Variants in CEP72 observed in about 807,000 individuals in gnomAD.
CEP72 encodes centrosomal protein of 72 kDa.
CEP72 carries 78 observed loss-of-function variants against 65.7 expected under a neutral mutation model. The observed-to-expected ratio is 1.19, with a 90% CI of 0.99 to 1.43. The LOEUF is 1.43. Ranked by LOEUF, CEP72 falls within the 40% of genes most tolerant of loss-of-function variation. The pLI is 0.00. For synonymous variants in CEP72, 358 were observed against 351.7 expected, an observed-to-expected ratio of 1.02 and a Z score of -0.20; for missense variants, 914 against 832.9, an observed-to-expected ratio of 1.10 and a Z score of -1.20.
downstream of CEP72, among the ~76,000 whole-genome samples, chr5:658,879 A>G (rs1393849844): frequency 6.6e-6 from 1 of 152,126 alleles, no homozygotes; most frequent in Non-Finnish European, 1.5e-5. Flanking sequence ...TGTGTTAGCC[A>G]GGATGGTCTC....
Position 637,759 on chromosome 5 carries a change from C to A in CEP72, c.1147C>A (p.Gln383Lys), listed in dbSNP as rs769420298. 1 of 1,610,440 alleles carries A rather than the reference C, an allele frequency of 6.2e-7. No individual in the cohort carries two copies. The highest frequency in any genetic ancestry group is 1.1e-5 in the South Asian group (1 of 90,784). ...SESRNGRTLS[Q>K]PEASETEEQR... The stretch of plus-strand genomic sequence containing the variant: ...AAGCAGGAACGGGAGGACCTTGTCT[C>A]AGCCTGAGGCCTCGGAGACTGAGGA... Residue 383 changes from glutamine (Q) to lysine (K), a missense_variant, in exon 7 of 12, where the codon CAG becomes AAG. By Grantham distance (53) the Gln-to-Lys change is moderately conservative (BLOSUM62 1). Transcript: ENST00000264935.
chr5:641,625 CTG>C, intron 9 of CEP72: 3 of 983,564 alleles, frequency 3.1e-6, no homozygotes, highest in Non-Finnish European at 3.6e-6. Flanking sequence ...CTGGAAGCCT[CTG>C]TATTTAAACA....
chr5:673,200 G>A, the CEP72 span, among the ~76,000 whole-genome samples: 60 of 152,256 alleles, frequency 3.9e-4, 1 homozygote, highest in African/African-American at 9.6e-4. Flanking sequence ...TGCTTTCCCC[G>A]GAAATCGAAG....
chr5:621,037 G>T (rs776569558), intron 3 of CEP72, among the ~76,000 whole-genome samples: 3 of 152,218 alleles, frequency 2.0e-5, no homozygotes, highest in Non-Finnish European at 4.4e-5. Context: ...AGGGTGCAGG[G>T]TCTCTTACCT....
chr5:622,862 A>G (rs551711813), intron 3 of CEP72, among the ~76,000 whole-genome samples: 16 of 152,366 alleles, frequency 1.1e-4, no homozygotes, highest in African/African-American at 3.4e-4. Context: ...TATTTGGCCA[A>G]TTAACCAAGT....
the CEP72 span, among the ~76,000 whole-genome samples, chr5:674,028 T>G: frequency 6.6e-6 from 1 of 152,216 alleles, no homozygotes; most frequent in Non-Finnish European, 1.5e-5. Context: ...CAGCCGGCAC[T>G]GCACTTGGTG....
intron 5 of CEP72, among the ~76,000 whole-genome samples, chr5:635,078 G>C (rs758235169): frequency 6.6e-6 from 1 of 151,968 alleles, no homozygotes; most frequent in Admixed American, 6.6e-5. Context: ...TATTGAGACT[G>C]TCTGGACTCT....
At chr5:667,734 A>G (rs1262757071), downstream of CEP72, among the ~76,000 whole-genome samples, 1 of 151,420 alleles carries the variant, frequency 6.6e-6, no homozygotes, top group Non-Finnish European at 1.5e-5. Flanking sequence ...GACGGGCAGA[A>G]TATTTGAAGC....
downstream of CEP72, among the ~76,000 whole-genome samples, chr5:656,723 T>A (rs951825782): frequency 2.0e-5 from 3 of 152,224 alleles, no homozygotes; most frequent in Non-Finnish European, 4.4e-5. Flanking sequence ...TTCTTTCCCA[T>A]TCCTGTTGTT....
intron 3 of CEP72, chr5:665,342 G>C: frequency 6.4e-7 from 1 of 1,560,056 alleles, no homozygotes; most frequent in Non-Finnish European, 8.7e-7. Flanking sequence ...TGCGAGCCAG[G>C]TGAGGCCAGC....
At chr5:670,633 G>A (rs1369684393), downstream of CEP72, among the ~76,000 whole-genome samples, 21 of 152,062 alleles carry the variant, frequency 1.4e-4, no homozygotes, top group East Asian at 3.9e-4. Flanking sequence ...GTCTGGCATC[G>A]CCATCCTGCA....
intron 3 of CEP72, among the ~76,000 whole-genome samples, chr5:622,719 TC>T (rs1736471060): frequency 1.3e-5 from 2 of 152,124 alleles, no homozygotes; most frequent in Admixed American, 6.6e-5. Flanking sequence ...CTGACACTCT[TC>T]CCCCTGGGAT....
chr5:633,765 A>G lies in CEP72; in HGVS notation c.513-4A>G, dbSNP rs770993044. 6.2e-6 allele frequency: 10 copies of G among 1,613,764 alleles called. No individual in the cohort carries two copies. Among genetic ancestry groups the G allele is most frequent in the Middle Eastern group, 1.6e-4 (1 of 6,062 alleles). ...GATGCTGATGAGTTTGCTTTTCCTT[A>G]CAGACCACACCACCCCAGAGCCAAG... On this transcript the variant is annotated splice_polypyrimidine_tract_variant and splice_region_variant and intron_variant, in intron 4 of 11. Transcript: ENST00000264935.
chr5:620,641 A>G (rs1736330079), intron 3 of CEP72, among the ~76,000 whole-genome samples: 1 of 152,222 alleles, frequency 6.6e-6, no homozygotes. Context: ...GCTAAACAGC[A>G]GGATGCTGCC....
downstream of CEP72, among the ~76,000 whole-genome samples, chr5:659,351 T>G (rs1739488969): frequency 6.6e-6 from 1 of 152,274 alleles, no homozygotes; most frequent in African/African-American, 2.4e-5. Flanking sequence ...TGCTCCACTT[T>G]CTTCACAAAC....
At chr5:641,057 C>A in intron 9 of CEP72, 1 of 985,466 alleles carries the variant, frequency 1.0e-6, no homozygotes, top group Non-Finnish European at 1.2e-6. Flanking sequence ...GCATTTATCA[C>A]CTTGGATTTC....
rs143821999 is a variant in CEP72 at position 624,482 on chromosome 5, G to C, written c.415G>C (p.Val139Leu). The change falls in exon 4 of 12, where the codon GTG becomes CTG. Residue 139 changes from valine to leucine, a missense_variant. By Grantham distance (32) the Val-to-Leu change is conservative. Transcript: ENST00000264935. The surrounding 1 kb of genome is among the most constrained non-coding windows in gnomAD (Gnocchi z 4.7). ...PKLQQLDDRP[V>L]RASERKASRL... ...GCCTTTTCTTCTAGACGATCGCCCC[G>C]TGAGAGCAAGCGAGCGGAAGGCTTC... 6.2e-7 allele frequency: 1 copy of C among 1,613,856 alleles called. No individual in the cohort carries two copies. Among genetic ancestry groups the C allele is most frequent in the African/African-American group, 1.3e-5 (1 of 74,922 alleles).
intron 9 of CEP72, chr5:641,188 A>G (rs1459383730): frequency 4.7e-5 from 46 of 984,678 alleles, no homozygotes; most frequent in Admixed American, 6.2e-5. Flanking sequence ...GGCTGGGGCC[A>G]CCGTCTCATC....
chr5:612,534 G>T lies in CEP72; in HGVS notation c.82+91G>T. On this transcript the variant is annotated intron_variant, in intron 1 of 11. Coordinates refer to ENST00000264935, the MANE Select transcript of CEP72 (RefSeq NM_018140.4). ...GGGCGGCGGCGGACCGTGGGCAGGC[G>T]GGACCCGTCTACGCAGGCGCCGCGG... The T allele has an allele frequency of 3.1e-6, 4 of 1,302,218 alleles. No homozygotes were observed. The South Asian group carries it at 6.4e-5, about 21-fold the overall frequency. The allele number at this position is 1,302,218 out of a possible 1,614,324, so 80.7% of individuals were successfully genotyped here. A position where few individuals can be genotyped will look rare whatever the true frequency, so the allele number is the denominator to read the frequency against.
Sources: gnomAD v4.1 joint callset for allele counts (sites outside exome capture counted in the v4.1 genomes callset) on GRCh38, gnomAD v4.1.1 for gene constraint, Gnocchi (gnomAD v3.1) non-coding constraint, MANE v1.5 for transcripts, NCBI Gene and HGNC (gene_info 2026-07-23, HGNC 2026-07-21) for gene names.